The following FAT3 variants were observed in gnomAD, a reference collection of about 807,000 sequenced individuals.
The protein encoded by FAT3 is protocadherin Fat 3.
A neutral mutation model predicts 310.2 loss-of-function variants in FAT3; 95 were observed. That is an observed-to-expected ratio of 0.31 (90% CI 0.26 to 0.36). The LOEUF is 0.36. Among genes scored for constraint, FAT3 ranks in the 10% least tolerant of loss-of-function variants. The probability of loss-of-function intolerance (pLI) is 1.00; values close to 1 mark genes in which losing one functional copy is unlikely to be tolerated. For synonymous variants in FAT3, 2,314 were observed against 2,192.9 expected (o/e 1.06, Z -1.54); for missense variants, 5,408 against 5,715.6 (o/e 0.95, Z 1.74).
At chr11:92,384,020 C>T (rs1466012499) in intron 2 of FAT3, among the ~76,000 whole-genome samples, 3 of 152,066 alleles carry the variant, frequency 2.0e-5, no homozygotes, top group Non-Finnish European at 4.4e-5. Flanking sequence ...ACAGTAGTCT[C>T]TAAAGCTCAG....
intron 1 of FAT3, among the ~76,000 whole-genome samples, chr11:92,265,423 T>C (rs899366042): frequency 6.6e-6 from 1 of 151,988 alleles, no homozygotes; most frequent in Non-Finnish European, 1.5e-5. Context: ...CGTCTTTTTC[T>C]GTCTTCACAG....
intron 2 of FAT3, among the ~76,000 whole-genome samples, chr11:92,467,865 A>T (rs1237668228): frequency 6.6e-6 from 1 of 152,248 alleles, no homozygotes; most frequent in East Asian, 1.9e-4. Context: ...AAAGTAAAAT[A>T]CAAATATTAA....
At chr11:92,583,447 A>G (rs1351667777) in intron 3 of FAT3, among the ~76,000 whole-genome samples, 4 of 151,998 alleles carry the variant, frequency 2.6e-5, no homozygotes, top group African/African-American at 9.7e-5. Context: ...ATACCTATAT[A>G]TTATCTCAGA....
chr11:92,243,529 A>G (rs1358335716), intron 1 of FAT3, among the ~76,000 whole-genome samples: 1 of 152,066 alleles, frequency 6.6e-6, no homozygotes, highest in African/African-American at 2.4e-5. Flanking sequence ...AAACTTTCAG[A>G]AAACTTTAAA....
chr11:92,564,349 T>C (rs567585693), intron 3 of FAT3, among the ~76,000 whole-genome samples: 3 of 150,936 alleles, frequency 2.0e-5, no homozygotes, highest in Non-Finnish European at 4.4e-5. Context: ...ATCCTAAATA[T>C]ATATGCACCC....
At chr11:92,598,211 T>TATAC (rs2135579148) in intron 3 of FAT3, among the ~76,000 whole-genome samples, 1 of 99,668 alleles carries the variant, frequency 1.0e-5, no homozygotes. Context: ...AATATATATG[T>TATAC]ATACATATAT....
rs1378994439 is a variant in FAT3 at position 92,883,097 on chromosome 11, G to T, written c.12641G>T (p.Gly4214Val). Residue 4214 changes from glycine (G) to valine (V), a missense_variant, in exon 24 of 28, where the codon GGC becomes GTC. Physicochemically the swap from Gly to Val is moderately radical, Grantham distance 109. Transcript: ENST00000525166. The surrounding 1 kb of genome is among the most constrained non-coding windows in gnomAD (Gnocchi z 4.2). The stretch of plus-strand genomic sequence containing the variant: ...GGCATCCCGTTCCGGAACCTGCGCG[G>T]CAGTGGGGACGGCCGCAACGTCTAC... The part of the protein sequence containing the change: ...SNGIPFRNLR[G>V]SGDGRNVYQE... 6.2e-7 allele frequency: 1 copy of T among 1,613,842 alleles called. No individual in the cohort carries two copies. Among genetic ancestry groups the T allele is most frequent in the Admixed American group, 1.7e-5 (1 of 60,028 alleles).
At chr11:92,866,116 A>T (rs371682551) in intron 21 of FAT3, among the ~76,000 whole-genome samples, 28 of 152,346 alleles carry the variant, frequency 1.8e-4, no homozygotes, top group African/African-American at 6.5e-4. Flanking sequence ...TTAAATGTAG[A>T]CAAAGCTGAG....
intron 2 of FAT3, among the ~76,000 whole-genome samples, chr11:92,380,613 A>G (rs1949473378): frequency 1.3e-5 from 2 of 151,990 alleles, no homozygotes; most frequent in East Asian, 1.9e-4. Context: ...GAGGCAAATC[A>G]TTTCCCCTCA....
At chr11:92,805,643 T>C (rs1278488196) in intron 11 of FAT3, among the ~76,000 whole-genome samples, 1 of 152,102 alleles carries the variant, frequency 6.6e-6, no homozygotes, top group African/African-American at 2.4e-5. Flanking sequence ...TTAGGACTTA[T>C]TCTGTTTAAA....
chr11:92,838,205 C>T (rs1466475618), intron 17 of FAT3, among the ~76,000 whole-genome samples: 2 of 152,168 alleles, frequency 1.3e-5, no homozygotes, highest in African/African-American at 2.4e-5. Flanking sequence ...AATTCTCTTT[C>T]CCCAGTGGCA....
intron 4 of FAT3, among the ~76,000 whole-genome samples, chr11:92,718,143 C>T (rs1462143537): frequency 3.9e-5 from 6 of 152,062 alleles, no homozygotes; most frequent in Admixed American, 3.9e-4. Flanking sequence ...AATCCTGAGA[C>T]ATTGACCAGT....
At chr11:92,468,806 C>T (rs1485732191) in intron 2 of FAT3, among the ~76,000 whole-genome samples, 2 of 152,114 alleles carry the variant, frequency 1.3e-5, no homozygotes, top group East Asian at 3.9e-4. Context: ...CATGAGAACA[C>T]CATGGAGGTA....
At position 92,801,393 on chromosome 11, in the gene FAT3, A is replaced by T. The variant is rs142048350; in HGVS notation, c.8380A>T (p.Ile2794Phe). Residue 2794 changes from isoleucine to phenylalanine, a missense_variant, in exon 10 of 28, where the codon ATT (isoleucine) becomes TTT (phenylalanine). By Grantham distance (21) the Ile-to-Phe change is conservative. Coordinates refer to ENST00000525166, the MANE Select transcript of FAT3 (RefSeq NM_001367949.2). ...CACTATACCCCTGGACAAAGTAGACATTGTGTTTACTGTGGATGTAGATAT... is the reference window on the plus strand; with the variant it reads ...CACTATACCCCTGGACAAAGTAGACTTTGTGTTTACTGTGGATGTAGATAT... ...AATIPLDKVD[I>F]VFTVDVDIKV... is the part of the protein sequence containing the mutation. 4.0e-5 allele frequency: 64 copies of T among 1,613,970 alleles called. No homozygotes were observed. The East Asian group carries it at 1.4e-3, about 35-fold the overall frequency.
chr11:92,857,146 C>G, intron 19 of FAT3, 68 bp from the exon 20 acceptor site: 3 of 1,610,416 alleles, frequency 1.9e-6, no homozygotes, highest in Non-Finnish European at 2.5e-6. Flanking sequence ...TGAACCTTTT[C>G]TATCTTCCCT....
At chr11:92,620,336 A>C (rs1409177417) in intron 3 of FAT3, among the ~76,000 whole-genome samples, 3 of 152,178 alleles carry the variant, frequency 2.0e-5, no homozygotes, top group Non-Finnish European at 4.4e-5. Context: ...TTGCCACTGA[A>C]TATAGTGTTA....
chr11:92,486,136 T>TTG (rs1952386261), intron 2 of FAT3, among the ~76,000 whole-genome samples: 1 of 124,448 alleles, frequency 8.0e-6, no homozygotes, highest in Non-Finnish European at 1.7e-5. Flanking sequence ...TGGGGTTTTT[T>TTG]TTTTTTTTTT....
At chr11:92,771,700 TATACAC>T (rs538030095) in intron 6 of FAT3, among the ~76,000 whole-genome samples, 70 of 150,258 alleles carry the variant, frequency 4.7e-4, no homozygotes, top group African/African-American at 1.5e-3. Flanking sequence ...TTGAGGGAGA[TATACAC>T]ATACACATAC....
At chr11:92,514,747 C>G (rs1191253516) in intron 2 of FAT3, among the ~76,000 whole-genome samples, 2 of 152,106 alleles carry the variant, frequency 1.3e-5, no homozygotes, top group Non-Finnish European at 2.9e-5. Context: ...AGAAGAAAAG[C>G]CCAGCAAAGA....
Sources: gnomAD v4.1 joint callset for allele counts (sites outside exome capture counted in the v4.1 genomes callset) on GRCh38, gnomAD v4.1.1 for gene constraint, Gnocchi (gnomAD v3.1) non-coding constraint, MANE v1.5 for transcripts, NCBI Gene and HGNC (gene_info 2026-07-23, HGNC 2026-07-21) for gene names.